The following RFX3 variants were observed in gnomAD, a reference collection of about 807,000 sequenced individuals.
The protein encoded by RFX3 is regulatory factor X3.
Under a neutral mutation model 98.6 loss-of-function variants are expected in RFX3, and 14 were observed. The observed-to-expected ratio is 0.14, with a 90% confidence interval of 0.09 to 0.22. RFX3 has a LOEUF of 0.22. Ranked by LOEUF, RFX3 falls within the 10% of genes least tolerant of loss-of-function variation. The pLI is 1.00. For missense variants in RFX3, 639 were observed against 926.9 expected, an observed-to-expected ratio of 0.69 and a Z score of 4.03; for synonymous variants, 383 against 328.4, an observed-to-expected ratio of 1.17 and a Z score of -1.80.
At chr9:3,415,855 A>G (rs1018050572) in intron 1 of RFX3, among the ~76,000 whole-genome samples, 4 of 152,042 alleles carry the variant, frequency 2.6e-5, no homozygotes, top group Admixed American at 6.6e-5. Flanking sequence ...CTCTCTATCA[A>G]TTCCTAGAAG....
At chr9:3,466,504 T>C (rs997459105) in intron 1 of RFX3, among the ~76,000 whole-genome samples, 3 of 152,286 alleles carry the variant, frequency 2.0e-5, no homozygotes, top group Admixed American at 2.0e-4. Flanking sequence ...TGAAATCTAT[T>C]AGTATAGGTT....
chr9:3,266,199 A>G lies in RFX3; in HGVS notation c.1455+9T>C, dbSNP rs148126410. 1.8e-4 allele frequency: 270 copies of G among 1,536,334 alleles called. No individual in the cohort carries two copies. The African/African-American group carries it at 3.3e-3, about 19-fold the overall frequency. ...AACACAAAAGAAAAAGCAAGGACAT[A>G]AAGTATACCTTGGTTTGTATCATTC... On this transcript the variant is annotated intron_variant, in intron 12 of 16. Transcript: ENST00000617270.
intron 2 of RFX3, among the ~76,000 whole-genome samples, chr9:3,389,943 T>C (rs1172556794): frequency 6.6e-6 from 1 of 152,148 alleles, no homozygotes; most frequent in Non-Finnish European, 1.5e-5. Flanking sequence ...AACCATATTG[T>C]CTAAGAAAGT....
rs367971788 is a variant in RFX3, at chr9:3,365,353, C to T, written c.118-18589G>A. 2.9e-4 allele frequency among the ~76,000 whole-genome samples: 43 copies of T among 148,446 alleles called. No homozygotes were observed. In the East Asian group the frequency reaches 8.1e-3, roughly 28 times the overall value. ...GGGCATCTTGGATAAAGCAAAAAAT[C>T]ATGAGGTAGTTTGCAAAAGACAGAA... On this transcript the variant is annotated intron_variant, in intron 2 of 16. Transcript: ENST00000617270.
chr9:3,303,037 T>G (rs1828852845), intron 4 of RFX3, among the ~76,000 whole-genome samples: 1 of 151,842 alleles, frequency 6.6e-6, no homozygotes, highest in Non-Finnish European at 1.5e-5. Flanking sequence ...TTTATCCTAC[T>G]GTTAACTTTT....
At chr9:3,493,679 T>A (rs1371977913) in intron 1 of RFX3, among the ~76,000 whole-genome samples, 1 of 71,642 alleles carries the variant, frequency 1.4e-5, no homozygotes, top group Non-Finnish European at 2.4e-5. Context: ...GCGAGACTCA[T>A]CTCAAAAAAA....
intron 2 of RFX3, among the ~76,000 whole-genome samples, chr9:3,373,029 A>C (rs1238751832): frequency 6.6e-6 from 1 of 152,166 alleles, no homozygotes; most frequent in Non-Finnish European, 1.5e-5. Flanking sequence ...TAATATCAAA[A>C]CAGGTATTTA....
chr9:3,523,920 A>G (rs909110308), intron 1 of RFX3, among the ~76,000 whole-genome samples: 1 of 152,216 alleles, frequency 6.6e-6, no homozygotes, highest in African/African-American at 2.4e-5. Context: ...AAGGAAATGA[A>G]TTGAAAAAGT....
intron 1 of RFX3, among the ~76,000 whole-genome samples, chr9:3,500,409 G>T (rs563407921): frequency 2.0e-5 from 3 of 152,060 alleles, no homozygotes; most frequent in Non-Finnish European, 4.4e-5. Context: ...GGAAAAAAGA[G>T]AAAACAAATA....
At position 3,489,875 on chromosome 9, in the gene RFX3, C is replaced by G. The variant is rs149977095; in HGVS notation, c.-9+35872G>C. The stretch of plus-strand genomic sequence containing the variant: ...TTCTTTATTGTTCCTCTATAAAACT[C>G]TGTGTGGCAGTTATGACTTTTAAAT... On this transcript the variant is annotated intron_variant, in intron 1 of 16. Coordinates refer to ENST00000617270, the MANE Select transcript of RFX3 (RefSeq NM_001282116.2). Among the ~76,000 whole-genome samples the G allele has an allele frequency of 9.2e-4, 140 of 152,154 alleles. 3 individuals are homozygous for G. The East Asian group carries it at 0.022, about 24-fold the overall frequency.
intron 1 of RFX3, among the ~76,000 whole-genome samples, chr9:3,434,975 A>G (rs1844985667): frequency 1.3e-5 from 2 of 152,072 alleles, no homozygotes; most frequent in South Asian, 4.1e-4. Flanking sequence ...TAGGCAATTG[A>G]AACACAGTGT....
At chr9:3,251,500 ATTATT>A (rs1821394233) in intron 14 of RFX3, among the ~76,000 whole-genome samples, 1 of 151,820 alleles carries the variant, frequency 6.6e-6, no homozygotes, top group Non-Finnish European at 1.5e-5. Flanking sequence ...TGCTCAGCTA[ATTATT>A]TTATTTTGTT....
intron 2 of RFX3, among the ~76,000 whole-genome samples, chr9:3,377,562 A>G (rs1158660801): frequency 2.0e-5 from 3 of 152,194 alleles, no homozygotes; most frequent in East Asian, 1.9e-4. Flanking sequence ...CGCCGTGCAC[A>G]TGTACCCTAG....
chr9:3,253,808 C>G (rs147005570), intron 14 of RFX3, among the ~76,000 whole-genome samples: 2 of 152,106 alleles, frequency 1.3e-5, no homozygotes, highest in African/African-American at 4.8e-5. Context: ...TACAAATTTA[C>G]AAATTTTTGG....
intron 4 of RFX3, among the ~76,000 whole-genome samples, chr9:3,316,592 G>T (rs1186034545): frequency 6.6e-6 from 1 of 152,196 alleles, no homozygotes; most frequent in African/African-American, 2.4e-5. Context: ...AATTGTCCCT[G>T]TTTGCAGATG....
At position 3,220,888 on chromosome 9, in the gene RFX3, G is replaced by C. The variant is rs12683269; in HGVS notation, c.*4154C>G. 6.6e-6 allele frequency: 1 copy of C among 151,874 alleles called. No homozygotes were observed. The highest frequency in any genetic ancestry group is 1.5e-5 in the Non-Finnish European group (1 of 67,986). 9.4% of individuals were successfully genotyped at this position (151,874 alleles called of 1,614,324 possible). ...ATACTAGGATTCCATTAATTGATTC[G>C]TTCTAACCATATACATGGAGGTTGT... On this transcript the variant is annotated 3_prime_UTR_variant, in exon 17 of 17. Coordinates refer to ENST00000617270, the MANE Select transcript of RFX3 (RefSeq NM_001282116.2).
chr9:3,315,088 A>T (rs1004728720), intron 4 of RFX3, among the ~76,000 whole-genome samples: 4 of 152,174 alleles, frequency 2.6e-5, no homozygotes, highest in Admixed American at 6.5e-5. Flanking sequence ...TCAGCATCAC[A>T]TCACACTTAT....
intron 2 of RFX3, among the ~76,000 whole-genome samples, chr9:3,349,044 T>C (rs1319709364): frequency 6.6e-6 from 1 of 152,136 alleles, no homozygotes; most frequent in African/African-American, 2.4e-5. Flanking sequence ...TCTAGGTCTT[T>C]TCATTGAACC....
At chr9:3,471,338 T>C (rs1449000101) in intron 1 of RFX3, among the ~76,000 whole-genome samples, 1 of 152,154 alleles carries the variant, frequency 6.6e-6, no homozygotes, top group Non-Finnish European at 1.5e-5. Context: ...AATAACTGAG[T>C]CTTGGAGAAT....
Sources: allele counts gnomAD v4.1 joint callset (sites outside exome capture counted in the v4.1 genomes callset), GRCh38; gene constraint gnomAD v4.1.1; transcripts MANE v1.5; gene names NCBI Gene and HGNC (gene_info 2026-07-23, HGNC 2026-07-21).